The following FREM2 variants were observed in gnomAD, a reference collection of about 807,000 sequenced individuals.
The protein encoded by FREM2 is FRAS1 related extracellular matrix 2, also known as FRAS1-related extracellular matrix protein 2.
Under a neutral mutation model 219.9 loss-of-function variants are expected in FREM2, and 119 were observed. The observed-to-expected ratio is 0.54, with a 90% CI of 0.47 to 0.63. FREM2 has a LOEUF of 0.63. Among genes scored for constraint, FREM2 ranks in the 30% least tolerant of loss-of-function variants. The probability of loss-of-function intolerance (pLI) is 0.00; values close to 1 mark genes in which losing one functional copy is unlikely to be tolerated. For synonymous variants in FREM2, 1,562 were observed against 1,522.8 expected, an observed-to-expected ratio of 1.03 and a Z score of -0.60; for missense variants, 4,030 against 3,993.6, an observed-to-expected ratio of 1.01 and a Z score of -0.25.
At chr13:38,762,224 A>G (rs1873253332) in intron 2 of FREM2, among the ~76,000 whole-genome samples, 1 of 152,138 alleles carries the variant, frequency 6.6e-6, no homozygotes, top group Non-Finnish European at 1.5e-5. Context: ...GATCCAGAGA[A>G]GTAACTTGGT....
chr13:38,747,862 T>C (rs912378107), intron 2 of FREM2, among the ~76,000 whole-genome samples: 6 of 152,208 alleles, frequency 3.9e-5, no homozygotes, highest in African/African-American at 1.2e-4. Flanking sequence ...TTATCCTTTT[T>C]CCAAAACCCA....
intron 23 of FREM2, 24 bp downstream of exon 23, chr13:38,879,001 G>A: frequency 6.2e-7 from 1 of 1,612,970 alleles, no homozygotes; most frequent in Non-Finnish European, 8.5e-7. Context: ...AAGCTCATTT[G>A]TAGTAGTTGT....
chr13:38,826,059 G>A (rs1315083946), intron 6 of FREM2, among the ~76,000 whole-genome samples: 2 of 152,082 alleles, frequency 1.3e-5, no homozygotes, highest in Non-Finnish European at 2.9e-5. Flanking sequence ...AGACAAGAAT[G>A]GTTTTCTAAC....
At chr13:38,695,550 CAG>C (rs1241265851) in intron 1 of FREM2, among the ~76,000 whole-genome samples, 1 of 152,188 alleles carries the variant, frequency 6.6e-6, no homozygotes, top group Admixed American at 6.5e-5. Context: ...GCATGCTAAA[CAG>C]TGCCTTTTCT....
intron 2 of FREM2, among the ~76,000 whole-genome samples, chr13:38,745,668 A>ATTGT (rs901334441): frequency 6.6e-6 from 1 of 151,860 alleles, no homozygotes; most frequent in Non-Finnish European, 1.5e-5. Context: ...GTTGGCTTTT[A>ATTGT]TTGTTTGTTT....
intron 2 of FREM2, among the ~76,000 whole-genome samples, chr13:38,712,358 T>C (rs930759151): frequency 1.3e-5 from 2 of 152,200 alleles, no homozygotes; most frequent in African/African-American, 4.8e-5. Context: ...CAAGTTTCCT[T>C]AATATAAGTA....
chr13:38,840,717 CAGAT>C (rs949535105), intron 6 of FREM2, among the ~76,000 whole-genome samples: 5 of 144,614 alleles, frequency 3.5e-5, no homozygotes, highest in Admixed American at 1.4e-4. Flanking sequence ...CACACACACA[CAGAT>C]ATATATATAT....
In FREM2 at chr13:38,688,343, T is replaced by C. The variant is rs1014721055; in HGVS notation, c.999T>C (p.Phe333=). 1 of 1,614,080 alleles carries C rather than the reference T, an allele frequency of 6.2e-7. No individual in the cohort carries two copies. Among genetic ancestry groups the C allele is most frequent in the African/African-American group, 1.3e-5 (1 of 74,950 alleles). The change falls in exon 1 of 24, where the codon TTT becomes TTC. Residue 333 remains phenylalanine, a synonymous_variant. Coordinates refer to ENST00000280481, the MANE Select transcript of FREM2 (RefSeq NM_207361.6). ...VAMMMMEVDQ[F]VLTALTPDML... ...TGATGATGATGGAGGTGGACCAGTT[T>C]GTACTGACGGCCCTGACCCCAGACA...
chr13:38,814,394 T>A (rs1875673175), intron 6 of FREM2, among the ~76,000 whole-genome samples: 4 of 152,318 alleles, frequency 2.6e-5, no homozygotes. Context: ...ACACTGTGAT[T>A]TTTGCAGACT....
chr13:38,720,729 C>A (rs372012950), intron 2 of FREM2, among the ~76,000 whole-genome samples: 3 of 152,172 alleles, frequency 2.0e-5, no homozygotes, highest in African/African-American at 7.2e-5. Context: ...GGCAAAATGA[C>A]AGAGTCTAAA....
At chr13:38,803,959 T>C (rs914758349) in intron 6 of FREM2, among the ~76,000 whole-genome samples, 11 of 151,992 alleles carry the variant, frequency 7.2e-5, no homozygotes, top group Non-Finnish European at 7.4e-5. Flanking sequence ...TGTGCCTAGC[T>C]GAAAGACCTA....
rs200651776 is a variant in FREM2, at chr13:38,859,267, C to A, written c.7216-20C>A. The A allele has an allele frequency of 9.3e-6, 15 of 1,610,410 alleles. No homozygotes were observed. In the Admixed American group the frequency reaches 2.5e-4, roughly 27 times the overall value. ...CCTGTTCTACACTCTGTTCCTAACA[C>A]AGTCATTTGTTTTCCGTAGGCTTGC... On this transcript the variant is annotated intron_variant, in intron 13 of 23. Transcript: ENST00000280481.
chr13:38,779,105 T>C (rs1472110257), intron 4 of FREM2, among the ~76,000 whole-genome samples: 7 of 152,106 alleles, frequency 4.6e-5, no homozygotes, highest in African/African-American at 1.7e-4. Flanking sequence ...TAAACCGGCA[T>C]TCTCAGCAAA....
intron 2 of FREM2, among the ~76,000 whole-genome samples, chr13:38,728,731 A>C: frequency 6.6e-6 from 1 of 152,272 alleles, no homozygotes; most frequent in Middle Eastern, 3.4e-3. Context: ...TATTTTTATG[A>C]ATATATTCTA....
chr13:38,719,185 C>A (rs573201792), intron 2 of FREM2, among the ~76,000 whole-genome samples: 80 of 152,238 alleles, frequency 5.3e-4, no homozygotes, highest in Non-Finnish European at 1.0e-3. Flanking sequence ...TGGCTCATAG[C>A]CCCTTCTTCC....
In FREM2 at chr13:38,823,403, T is replaced by A. The variant is rs542583877; in HGVS notation, c.6020-23170T>A. On this transcript the variant is annotated intron_variant, in intron 6 of 23. Coordinates refer to ENST00000280481, the MANE Select transcript of FREM2 (RefSeq NM_207361.6). ...CCCCTTTTTTAACACTGAGCACACC[T>A]CTCACCTGCTAATTTCTAGGACAAG... 2.6e-5 allele frequency among the ~76,000 whole-genome samples: 4 copies of A among 151,782 alleles called. No homozygotes were observed. In the South Asian group the frequency reaches 6.2e-4, roughly 24 times the overall value.
In FREM2 at chr13:38,837,784, TG is replaced by T. The variant is rs1460397621; in HGVS notation, c.6020-8788del. Among the ~76,000 whole-genome samples the T allele has an allele frequency of 1.2e-4, 17 of 145,966 alleles. No homozygotes were observed. In the South Asian group the frequency reaches 1.3e-3, roughly 11 times the overall value. Reference sequence around the variant, plus strand: ...CCCCTGGTTTTTTTTTGTTTTGTTTTGTTTTGTTTTTGCTTTCCATTTGCTT... The same window carrying T: ...CCCCTGGTTTTTTTTTGTTTTGTTTTTTTTGTTTTTGCTTTCCATTTGCTT... On this transcript the variant is annotated intron_variant, in intron 6 of 23. Coordinates refer to ENST00000280481, the MANE Select transcript of FREM2 (RefSeq NM_207361.6).
At chr13:38,749,142 C>A (rs1158763465) in intron 2 of FREM2, among the ~76,000 whole-genome samples, 1 of 152,110 alleles carries the variant, frequency 6.6e-6, no homozygotes, top group African/African-American at 2.4e-5. Context: ...GAAATCATCA[C>A]CCACATATTT....
chr13:38,687,325 C>T lies in FREM2; in HGVS notation c.-20C>T. 6.3e-7 allele frequency: 1 copy of T among 1,585,294 alleles called. No homozygotes were observed. The highest frequency in any genetic ancestry group is 8.6e-7 in the Non-Finnish European group (1 of 1,165,706). On this transcript the variant is annotated 5_prime_UTR_variant, in exon 1 of 24. Transcript: ENST00000280481. ...TCGCATGCTCTCAGGCTGACCTGTC[C>T]AAGCCCGAACACCGGGACCATGCAC...
Sources: gnomAD v4.1 joint callset for allele counts (sites outside exome capture counted in the v4.1 genomes callset) on GRCh38, gnomAD v4.1.1 for gene constraint, MANE v1.5 for transcripts, NCBI Gene and HGNC (gene_info 2026-07-23, HGNC 2026-07-21) for gene names.